Variants in NRG3 observed in about 807,000 individuals in gnomAD.
NRG3 encodes the protein neuregulin 3.
Under a neutral mutation model 66.9 loss-of-function variants are expected in NRG3, and 31 were observed. The observed-to-expected ratio is 0.46, with a 90% CI of 0.35 to 0.63. NRG3 has a LOEUF of 0.63. Ranked by LOEUF, NRG3 falls within the 20% of genes least tolerant of loss-of-function variation. NRG3 has a pLI of 0.00. For missense variants in NRG3, 910 were observed against 878.9 expected (o/e 1.04, Z -0.45); for synonymous variants, 393 against 359.4 (o/e 1.09, Z -1.06).
chr10:82,428,596 T>C (rs965330283), intron 2 of NRG3, among the ~76,000 whole-genome samples: 17 of 152,066 alleles, frequency 1.1e-4, no homozygotes, highest in African/African-American at 4.1e-4. Context: ...ATTTCAATAT[T>C]TTTAAATGCA....
intron 2 of NRG3, among the ~76,000 whole-genome samples, chr10:82,400,547 C>T (rs1359582949): frequency 6.7e-6 from 1 of 150,230 alleles, no homozygotes. Context: ...TGAAGTAACT[C>T]GGTCAAGTAC....
intron 1 of NRG3, among the ~76,000 whole-genome samples, chr10:82,184,201 C>T (rs1350819958): frequency 3.9e-5 from 6 of 152,126 alleles, no homozygotes; most frequent in Non-Finnish European, 8.8e-5. Flanking sequence ...TTTTCACTGT[C>T]TTGACATTTG....
intron 2 of NRG3, among the ~76,000 whole-genome samples, chr10:82,371,705 A>G (rs1413745694): frequency 6.6e-6 from 1 of 152,196 alleles, no homozygotes; most frequent in Non-Finnish European, 1.5e-5. Flanking sequence ...TGGGAGGTTC[A>G]TGATTGGGCA....
intron 1 of NRG3, among the ~76,000 whole-genome samples, chr10:82,088,550 A>C (rs1347950227): frequency 6.6e-6 from 1 of 152,158 alleles, no homozygotes. Context: ...TTATGTAAGT[A>C]ATTTGGCATT....
intron 2 of NRG3, among the ~76,000 whole-genome samples, chr10:82,403,981 G>A (rs2087306853): frequency 6.6e-6 from 1 of 152,092 alleles, no homozygotes; most frequent in Non-Finnish European, 1.5e-5. Context: ...ATGGAATTTT[G>A]TAACTTGAGG....
chr10:82,983,491 G>A (rs903461581), intron 8 of NRG3, among the ~76,000 whole-genome samples: 17 of 152,104 alleles, frequency 1.1e-4, no homozygotes, highest in African/African-American at 4.1e-4. Flanking sequence ...GTTCCCCTTA[G>A]GATAGTCGTT....
At chr10:82,911,681 T>C (rs1295239769) in intron 4 of NRG3, among the ~76,000 whole-genome samples, 1 of 151,732 alleles carries the variant, frequency 6.6e-6, no homozygotes, top group Admixed American at 6.6e-5. Flanking sequence ...ATTTATCTTT[T>C]CAAAGAATCA....
chr10:82,185,512 C>G (rs574442569), intron 1 of NRG3, among the ~76,000 whole-genome samples: 3 of 152,162 alleles, frequency 2.0e-5, no homozygotes, highest in Non-Finnish European at 4.4e-5. Flanking sequence ...AAAACAATTC[C>G]AAATTGACAT....
intron 4 of NRG3, among the ~76,000 whole-genome samples, chr10:82,867,069 G>A (rs1028159848): frequency 5.3e-5 from 8 of 152,112 alleles, no homozygotes; most frequent in Non-Finnish European, 1.0e-4. Flanking sequence ...TATAGTTAAG[G>A]GTAATGCCAG....
chr10:82,752,486 G>C (rs966520989), intron 3 of NRG3, among the ~76,000 whole-genome samples: 1 of 152,006 alleles, frequency 6.6e-6, no homozygotes, highest in African/African-American at 2.4e-5. Flanking sequence ...ATCTAGCAAT[G>C]ATCTAGCTTT....
At chr10:81,988,514 G>T (rs1386054080) in intron 1 of NRG3, among the ~76,000 whole-genome samples, 2 of 152,110 alleles carry the variant, frequency 1.3e-5, no homozygotes, top group African/African-American at 4.8e-5. Context: ...AGGAAGCTTT[G>T]TCCAGTCCCT....
chr10:82,594,478 G>A (rs1176331406), intron 2 of NRG3, among the ~76,000 whole-genome samples: 1 of 152,026 alleles, frequency 6.6e-6, no homozygotes, highest in African/African-American at 2.4e-5. Context: ...ACATTTAAAT[G>A]TTAAGCACTG....
intron 2 of NRG3, among the ~76,000 whole-genome samples, chr10:82,730,227 G>A (rs2057831260): frequency 6.6e-6 from 1 of 151,774 alleles, no homozygotes; most frequent in South Asian, 2.1e-4. Context: ...TGAGACTACA[G>A]GTGCCCACCA....
intron 2 of NRG3, among the ~76,000 whole-genome samples, chr10:82,474,500 A>G (rs951330035): frequency 2.0e-5 from 3 of 152,216 alleles, no homozygotes; most frequent in African/African-American, 2.4e-5. Flanking sequence ...GTTCAACAGC[A>G]GATTTGAAGA....
chr10:82,219,234 G>A (rs199876402), intron 1 of NRG3, among the ~76,000 whole-genome samples: 2 of 146,272 alleles, frequency 1.4e-5, no homozygotes, highest in African/African-American at 5.1e-5. Flanking sequence ...TTTGGGTGTG[G>A]GCCGCCCTGG....
At chr10:82,915,437 A>G (rs1845736071) in intron 4 of NRG3, among the ~76,000 whole-genome samples, 1 of 152,222 alleles carries the variant, frequency 6.6e-6, no homozygotes, top group Non-Finnish European at 1.5e-5. Flanking sequence ...AATTAAGGAA[A>G]TGTCAGTCAG....
chr10:82,360,967 A>G (rs1422582971), intron 2 of NRG3, among the ~76,000 whole-genome samples: 2 of 152,184 alleles, frequency 1.3e-5, no homozygotes, highest in East Asian at 3.9e-4. Context: ...ATTAGATTAG[A>G]TCACATCCTC....
At chr10:82,319,962 C>T (rs2081482043) in intron 1 of NRG3, among the ~76,000 whole-genome samples, 2 of 152,156 alleles carry the variant, frequency 1.3e-5, no homozygotes, top group Admixed American at 1.3e-4. Context: ...GGGAAGGGTA[C>T]TAACTCTACT....
At position 82,538,627 on chromosome 10, in the gene NRG3, T is replaced by A. The variant is rs188790948; in HGVS notation, c.953+179759T>A. ...TGGCAAAACCCTAACTCTACAACAG[T>A]AGCCAAGCAGACACTCTGAAAAGTA... is the stretch of plus-strand genomic sequence containing the variant. On this transcript the variant is annotated intron_variant, in intron 2 of 8. Coordinates refer to ENST00000372141, the MANE Select transcript of NRG3 (RefSeq NM_001010848.4). Among the ~76,000 whole-genome samples the A allele has an allele frequency of 1.7e-3, 252 of 152,008 alleles. 1 individual carries two copies. The highest frequency in any genetic ancestry group is 5.7e-3 in the African/African-American group (236 of 41,462).
Sources: allele counts gnomAD v4.1 joint callset (sites outside exome capture counted in the v4.1 genomes callset), GRCh38; gene constraint gnomAD v4.1.1; transcripts MANE v1.5; gene names NCBI Gene and HGNC (gene_info 2026-07-23, HGNC 2026-07-21).